NUGGC: variants seen among roughly 807,000 people sequenced by gnomAD.
NUGGC encodes nuclear GTPase, germinal center associated.
A neutral mutation model predicts 92.6 loss-of-function variants in NUGGC; 58 were observed. That is an observed-to-expected ratio of 0.63 (90% confidence interval 0.51 to 0.78). NUGGC has a LOEUF of 0.78. Among genes scored for constraint, NUGGC ranks in the 30% least tolerant of loss-of-function variants. NUGGC has a pLI of 0.00. For missense variants in NUGGC, 925 were observed against 964.6 expected (o/e 0.96, Z 0.54); for synonymous variants, 376 against 366.4 (o/e 1.03, Z -0.30).
chr8:28,050,362 G>T (rs1585575406), intron 10 of NUGGC, among the ~76,000 whole-genome samples: 1 of 150,326 alleles, frequency 6.7e-6, no homozygotes, highest in South Asian at 2.1e-4. Context: ...TCCAGCCTGG[G>T]CAACAAGAAC....
intron 14 of NUGGC, among the ~76,000 whole-genome samples, chr8:28,032,947 G>A (rs1210972670): frequency 6.6e-6 from 1 of 151,972 alleles, no homozygotes; most frequent in Non-Finnish European, 1.5e-5. Context: ...ATCATTTAAG[G>A]TCAGGATTTC....
Position 28,064,515 on chromosome 8 carries a change from CA to C in NUGGC, c.921+6del. 6.2e-7 allele frequency: 1 copy of C among 1,613,154 alleles called. No homozygotes were observed. The highest frequency in any genetic ancestry group is 1.3e-5 in the African/African-American group (1 of 75,032). On this transcript the variant is annotated splice_donor_region_variant and intron_variant, in intron 7 of 18. Coordinates refer to ENST00000413272, the MANE Select transcript of NUGGC (RefSeq NM_001010906.2). ...AAGAGAGAACTAAACCTACGAAAGA[CA>C]GTCACCTTTTTCCACATCTCGTCCC...
At chr8:28,078,422 T>C (rs1025095765) in intron 1 of NUGGC, among the ~76,000 whole-genome samples, 4 of 152,192 alleles carry the variant, frequency 2.6e-5, no homozygotes, top group Non-Finnish European at 2.9e-5. Context: ...ATTCAGTATA[T>C]AGTCATTGGG....
Position 28,035,572 on chromosome 8 carries a change from G to A in NUGGC, c.1612-1875C>T, listed in dbSNP as rs577702543. On this transcript the variant is annotated intron_variant, in intron 13 of 18. Transcript: ENST00000413272. ...AGTGGCTCAATTTCAGTACACAAAG[G>A]CGTCCCCCTGAGAAAGTGACCCAAG... Among the ~76,000 whole-genome samples, 138 of 152,220 alleles carry A rather than the reference G, an allele frequency of 9.1e-4. 5 individuals are homozygous for A. In the South Asian group the frequency reaches 0.028, roughly 31 times the overall value.
rs921807296 is a variant in NUGGC, at chr8:28,028,677, C to T, written c.2154+589G>A. ...GCAGAGGCAAGATGGTCCAGGTAGG[C>T]TTGGCAGAAGCATTTAGGCCCAAGG... On this transcript the variant is annotated intron_variant, in intron 17 of 18. Transcript: ENST00000413272. Among the ~76,000 whole-genome samples, 4 of 152,278 alleles carry T rather than the reference C, an allele frequency of 2.6e-5. No individual in the cohort carries two copies. The East Asian group carries it at 7.7e-4, about 29-fold the overall frequency.
At chr8:28,073,936 C>G (rs1322290085) in intron 2 of NUGGC, among the ~76,000 whole-genome samples, 1 of 151,990 alleles carries the variant, frequency 6.6e-6, no homozygotes, top group Admixed American at 6.6e-5. Flanking sequence ...GTATCTGGGA[C>G]TACAGGCACA....
chr8:28,081,346 GT>G (rs35324832), intron 1 of NUGGC, among the ~76,000 whole-genome samples: 38,518 of 151,874 alleles, frequency 0.25, 5,350 homozygotes, highest in South Asian at 0.33. Context: ...AAAAGAGTTC[GT>G]TGTGAGAATT....
chr8:28,045,387 T>C (rs1809803413), intron 12 of NUGGC, 140 bp downstream of exon 12: 5 of 734,402 alleles, frequency 6.8e-6, no homozygotes, highest in Non-Finnish European at 1.1e-5. Context: ...AATTATCTTT[T>C]TGTCCTTTTA....
chr8:28,073,102 A>G (rs13273894), intron 2 of NUGGC, among the ~76,000 whole-genome samples: 18,595 of 151,052 alleles, frequency 0.12, 1,376 homozygotes, highest in South Asian at 0.22. Context: ...TCCGTGGCTC[A>G]AGCAATCCTC....
chr8:28,047,128 G>C (rs1054694513), intron 11 of NUGGC, among the ~76,000 whole-genome samples: 1 of 151,916 alleles, frequency 6.6e-6, no homozygotes, highest in African/African-American at 2.4e-5. Context: ...GCACCACCAC[G>C]CCTGGCAAAT....
chr8:28,048,593 G>A (rs1406156643), intron 10 of NUGGC, among the ~76,000 whole-genome samples: 1 of 152,084 alleles, frequency 6.6e-6, no homozygotes, highest in East Asian at 1.9e-4. Context: ...TCTGGGTGCG[G>A]TGGTTCACAC....
At chr8:28,078,995 A>G (rs1810785807) in intron 1 of NUGGC, among the ~76,000 whole-genome samples, 2 of 152,218 alleles carry the variant, frequency 1.3e-5, no homozygotes, top group African/African-American at 4.8e-5. Context: ...GTGCTTATTT[A>G]CATTCATGTG....
intron 7 of NUGGC, 68 bp from the exon 8 acceptor site, chr8:28,060,669 T>A: frequency 7.0e-7 from 1 of 1,438,710 alleles, no homozygotes; most frequent in Non-Finnish European, 9.5e-7. Context: ...ACCGGTTCCC[T>A]AATGTATCCC....
At chr8:28,032,930 G>C (rs1284180060) in intron 14 of NUGGC, among the ~76,000 whole-genome samples, 2 of 152,006 alleles carry the variant, frequency 1.3e-5, no homozygotes. Context: ...GAGGACGATG[G>C]GGGAGGATCA....
chr8:28,065,904 G>T (rs1482759824), intron 6 of NUGGC, among the ~76,000 whole-genome samples: 1 of 152,202 alleles, frequency 6.6e-6, no homozygotes, highest in Non-Finnish European at 1.5e-5. Context: ...GATACCGTAA[G>T]AGAGAAGCCC....
chr8:28,076,334 T>A (rs565027582), intron 1 of NUGGC, among the ~76,000 whole-genome samples: 1 of 152,264 alleles, frequency 6.6e-6, no homozygotes, highest in African/African-American at 2.4e-5. Flanking sequence ...AGTCTTGCTC[T>A]GTTGCCCAGG....
At chr8:28,059,321 C>T (rs191691043) in intron 8 of NUGGC, among the ~76,000 whole-genome samples, 4 of 152,252 alleles carry the variant, frequency 2.6e-5, no homozygotes, top group East Asian at 1.9e-4. Flanking sequence ...AATCATACCC[C>T]CTCTCACTCT....
intron 12 of NUGGC, among the ~76,000 whole-genome samples, chr8:28,044,697 A>T (rs1191511890): frequency 6.6e-6 from 1 of 152,212 alleles, no homozygotes; most frequent in Non-Finnish European, 1.5e-5. Flanking sequence ...GACTTCCTGA[A>T]GTCTGACTTA....
chr8:28,036,382 G>A (rs928471426), intron 13 of NUGGC, among the ~76,000 whole-genome samples: 12 of 151,264 alleles, frequency 7.9e-5, no homozygotes, highest in African/African-American at 1.2e-4. Context: ...TCCTATCACT[G>A]TCCTTCTCTC....
Sources: gnomAD v4.1 joint callset for allele counts (sites outside exome capture counted in the v4.1 genomes callset) on GRCh38, gnomAD v4.1.1 for gene constraint, MANE v1.5 for transcripts, NCBI Gene and HGNC (gene_info 2026-07-23, HGNC 2026-07-21) for gene names.